Variants in FAM107B observed in about 807,000 individuals in gnomAD.
FAM107B encodes the protein family with sequence similarity 107 member B, also known as protein FAM107B.
A neutral mutation model predicts 31.5 loss-of-function variants in FAM107B; 21 were observed. The observed-to-expected ratio is 0.67, with a 90% CI of 0.47 to 0.96. FAM107B has a LOEUF of 0.96. FAM107B is among the 40% of genes least tolerant of loss of function. The probability of loss-of-function intolerance (pLI) is 0.00; values close to 1 mark genes in which losing one functional copy is unlikely to be tolerated. For synonymous variants in FAM107B, 157 were observed against 141.5 expected, an observed-to-expected ratio of 1.11 and a Z score of -0.78; for missense variants, 452 against 377.1, an observed-to-expected ratio of 1.20 and a Z score of -1.64.
intron 2 of FAM107B, among the ~76,000 whole-genome samples, chr10:14,564,852 T>C (rs1850530368): frequency 6.6e-6 from 1 of 152,232 alleles, no homozygotes; most frequent in South Asian, 2.1e-4. Flanking sequence ...AATCCTACTA[T>C]ACCATTGTCC....
chr10:14,534,955 A>G (rs942290516), intron 2 of FAM107B: 11 of 152,218 alleles, frequency 7.2e-5, no homozygotes, highest in Admixed American at 3.9e-4. Context: ...TTCCACCGCC[A>G]TAAGGTGTAG....
chr10:14,695,916 C>A (rs374067922), intron 1 of FAM107B, among the ~76,000 whole-genome samples: 44 of 152,290 alleles, frequency 2.9e-4, no homozygotes, highest in African/African-American at 1.1e-3. Context: ...GGGCTCATAT[C>A]ATGTGCAAAT....
chr10:14,718,210 C>T (rs1237943825), intron 1 of FAM107B, among the ~76,000 whole-genome samples: 1 of 152,058 alleles, frequency 6.6e-6, no homozygotes, highest in African/African-American at 2.4e-5. Flanking sequence ...ACCTGTAGTC[C>T]CAGCTACTCA....
chr10:14,707,999 C>T (rs180952227), intron 1 of FAM107B, among the ~76,000 whole-genome samples: 223 of 152,274 alleles, frequency 1.5e-3, no homozygotes, highest in South Asian at 0.014. Flanking sequence ...ATTGTCCTAA[C>T]AATTATGTCC....
At chr10:14,575,458 C>T (rs752286297) in intron 2 of FAM107B, among the ~76,000 whole-genome samples, 3 of 152,130 alleles carry the variant, frequency 2.0e-5, no homozygotes, top group Non-Finnish European at 4.4e-5. Context: ...CCGCCTCAAC[C>T]TCTGAGAGTG....
chr10:14,551,959 T>C (rs1000988561), intron 2 of FAM107B, among the ~76,000 whole-genome samples: 4 of 152,324 alleles, frequency 2.6e-5, no homozygotes, highest in Admixed American at 6.5e-5. Flanking sequence ...CTGTCTACTT[T>C]TGCCACACAT....
chr10:14,560,859 C>CGT (rs1291348071), intron 2 of FAM107B, among the ~76,000 whole-genome samples: 1 of 152,194 alleles, frequency 6.6e-6, no homozygotes, highest in Non-Finnish European at 1.5e-5. Context: ...TTCCTGACAA[C>CGT]CTTCCAGGGC....
chr10:14,707,652 A>G (rs1855552464), intron 1 of FAM107B, among the ~76,000 whole-genome samples: 1 of 152,164 alleles, frequency 6.6e-6, no homozygotes, highest in Admixed American at 6.5e-5. Flanking sequence ...GACGTCTGGG[A>G]TAGATTAAGG....
At position 14,667,633 on chromosome 10, in the gene FAM107B, C is replaced by G; in HGVS notation, c.469+1G>C. ...AAGGAATCACACAGAATGTACTCTACCTGATGTCATTTTCTGCTCCAGCTC... is the reference window on the plus strand; with the variant it reads ...AAGGAATCACACAGAATGTACTCTAGCTGATGTCATTTTCTGCTCCAGCTC... On this transcript the variant is annotated splice_donor_variant, in intron 2 of 4. Transcript: ENST00000181796. LOFTEE classifies it high-confidence loss of function. 6.2e-7 allele frequency: 1 copy of G among 1,614,156 alleles called. No individual in the cohort carries two copies. The highest frequency in any genetic ancestry group is 8.5e-7 in the Non-Finnish European group (1 of 1,179,996).
At chr10:14,642,844 C>T (rs374642334) in intron 2 of FAM107B, among the ~76,000 whole-genome samples, 2 of 152,224 alleles carry the variant, frequency 1.3e-5, no homozygotes, top group African/African-American at 4.8e-5. Context: ...ACACAGTTCA[C>T]AGAAGTTCTT....
At chr10:14,635,203 T>A (rs1157295567) in intron 2 of FAM107B, among the ~76,000 whole-genome samples, 1 of 148,396 alleles carries the variant, frequency 6.7e-6, no homozygotes, top group Non-Finnish European at 1.5e-5. Flanking sequence ...AGAACTAGGG[T>A]AGGGGTCAGT....
chr10:14,655,935 G>A (rs898231506), intron 2 of FAM107B, among the ~76,000 whole-genome samples: 2 of 152,178 alleles, frequency 1.3e-5, no homozygotes, highest in South Asian at 4.1e-4. Flanking sequence ...AGCCTTTACA[G>A]AGAGGCATGC....
chr10:14,574,107 G>C (rs951484808), intron 2 of FAM107B, among the ~76,000 whole-genome samples: 3 of 152,138 alleles, frequency 2.0e-5, no homozygotes, highest in Non-Finnish European at 4.4e-5. Context: ...TAAGAACAGG[G>C]TTTAGTACAA....
chr10:14,596,301 T>C (rs1027334216), intron 2 of FAM107B, among the ~76,000 whole-genome samples: 2 of 152,116 alleles, frequency 1.3e-5, no homozygotes, highest in African/African-American at 4.8e-5. Flanking sequence ...GCACTGACCA[T>C]GGGAATCACC....
chr10:14,537,655 C>T lies in FAM107B; in HGVS notation c.470-7140G>A, dbSNP rs1357809700. On this transcript the variant is annotated intron_variant, in intron 2 of 4. Transcript: ENST00000181796. ...GAGATCGAGACCATCCTGGCCAACA[C>T]GGTGAAACCCTGTCTCTACTAAAAA... Among the ~76,000 whole-genome samples the T allele has an allele frequency of 4.6e-5, 7 of 151,962 alleles. No homozygotes were observed. The South Asian group carries it at 6.2e-4, about 14-fold the overall frequency.
At chr10:14,689,599 T>C (rs546019447) in intron 1 of FAM107B, among the ~76,000 whole-genome samples, 6 of 152,196 alleles carry the variant, frequency 3.9e-5, no homozygotes, top group African/African-American at 1.4e-4. Context: ...GGTGGTGGCA[T>C]TCCAGGTGGG....
At chr10:14,754,377 C>G (rs1011086893) in intron 1 of FAM107B, among the ~76,000 whole-genome samples, 2 of 152,174 alleles carry the variant, frequency 1.3e-5, no homozygotes, top group Non-Finnish European at 2.9e-5. Context: ...CTTCGTCACT[C>G]CCAGCTCCAG....
At chr10:14,725,978 A>G (rs889216570) in intron 1 of FAM107B, among the ~76,000 whole-genome samples, 5 of 151,022 alleles carry the variant, frequency 3.3e-5, no homozygotes, top group African/African-American at 1.2e-4. Context: ...GGCATGCAGC[A>G]TCACACCCGG....
chr10:14,638,274 C>G (rs917578168), intron 2 of FAM107B, among the ~76,000 whole-genome samples: 1 of 150,974 alleles, frequency 6.6e-6, no homozygotes, highest in African/African-American at 2.4e-5. Context: ...TTGTGTACAG[C>G]CTGCTAAGGT....
Sources: gnomAD v4.1 joint callset for allele counts (sites outside exome capture counted in the v4.1 genomes callset) on GRCh38, gnomAD v4.1.1 for gene constraint, MANE v1.5 for transcripts, NCBI Gene and HGNC (gene_info 2026-07-23, HGNC 2026-07-21) for gene names.